Variants in PTPRD observed in about 807,000 individuals in gnomAD.
The protein encoded by PTPRD is receptor-type tyrosine-protein phosphatase delta.
A neutral mutation model predicts 214.5 loss-of-function variants in PTPRD; 34 were observed. That is an observed-to-expected ratio of 0.16 (90% CI 0.12 to 0.21). The LOEUF is 0.21. PTPRD is among the 10% of genes least tolerant of loss of function. The pLI is 1.00. For synonymous variants in PTPRD, 1,128 were observed against 845.7 expected, an observed-to-expected ratio of 1.33 and a Z score of -5.79; for missense variants, 2,545 against 2,398.7, an observed-to-expected ratio of 1.06 and a Z score of -1.27.
At chr9:8,360,494 A>G (rs2078203484) in intron 39 of PTPRD, among the ~76,000 whole-genome samples, 1 of 152,196 alleles carries the variant, frequency 6.6e-6, no homozygotes. Flanking sequence ...CTAAATGATC[A>G]AGTCTAAACT....
chr9:8,885,519 C>T (rs1423354747), intron 11 of PTPRD, among the ~76,000 whole-genome samples: 1 of 128,370 alleles, frequency 7.8e-6, no homozygotes, highest in Non-Finnish European at 1.6e-5. Flanking sequence ...TTTCTGAGAC[C>T]AAGTCTCGCT....
At chr9:8,781,733 G>C (rs1030842919) in intron 11 of PTPRD, among the ~76,000 whole-genome samples, 1 of 152,132 alleles carries the variant, frequency 6.6e-6, no homozygotes, top group Non-Finnish European at 1.5e-5. Flanking sequence ...AGGAAGGTCA[G>C]GCTGACAAGC....
At chr9:9,003,309 A>G (rs890336744) in intron 11 of PTPRD, among the ~76,000 whole-genome samples, 1 of 151,978 alleles carries the variant, frequency 6.6e-6, no homozygotes, top group Non-Finnish European at 1.5e-5. Context: ...AGCTGAATCT[A>G]AATCCCTAAC....
intron 9 of PTPRD, among the ~76,000 whole-genome samples, chr9:9,381,652 C>G (rs2062286926): frequency 1.3e-5 from 2 of 151,850 alleles, no homozygotes; most frequent in Admixed American, 6.6e-5. Flanking sequence ...CACGCTCAGA[C>G]AGCTACACTT....
chr9:8,805,649 C>A (rs1435404348), intron 11 of PTPRD, among the ~76,000 whole-genome samples: 1 of 151,384 alleles, frequency 6.6e-6, no homozygotes, highest in East Asian at 2.0e-4. Flanking sequence ...GTTGCCCAGG[C>A]TGGAGTGCAA....
intron 9 of PTPRD, among the ~76,000 whole-genome samples, chr9:9,372,161 G>C: frequency 6.6e-6 from 1 of 151,824 alleles, no homozygotes; most frequent in Non-Finnish European, 1.5e-5. Context: ...CAATTCCTGG[G>C]TATCCTTGTT....
intron 33 of PTPRD, among the ~76,000 whole-genome samples, chr9:8,453,775 C>G (rs576689341): frequency 2.6e-5 from 4 of 152,150 alleles, no homozygotes; most frequent in Non-Finnish European, 5.9e-5. Flanking sequence ...TTTAGTAGGT[C>G]TGAGGCGGGG....
At chr9:9,052,290 G>T (rs2099687479) in intron 10 of PTPRD, among the ~76,000 whole-genome samples, 1 of 152,104 alleles carries the variant, frequency 6.6e-6, no homozygotes, top group Non-Finnish European at 1.5e-5. Flanking sequence ...AACATCTTGG[G>T]TGTTGGAATT....
intron 11 of PTPRD, among the ~76,000 whole-genome samples, chr9:8,836,281 C>T (rs1364555958): frequency 6.6e-6 from 1 of 152,078 alleles, no homozygotes; most frequent in Non-Finnish European, 1.5e-5. Context: ...TCTAAGAGAA[C>T]ATTGACAAAG....
intron 3 of PTPRD, among the ~76,000 whole-genome samples, chr9:10,106,467 G>A (rs367729900): frequency 4.0e-5 from 6 of 151,868 alleles, no homozygotes; most frequent in African/African-American, 9.7e-5. Context: ...TGCATAAAGA[G>A]GGAAAGTATA....
chr9:9,251,586 T>C (rs1420617999), intron 9 of PTPRD, among the ~76,000 whole-genome samples: 1 of 152,112 alleles, frequency 6.6e-6, no homozygotes, highest in East Asian at 1.9e-4. Context: ...TTGCATTTGG[T>C]ATATTTTTTC....
intron 14 of PTPRD, among the ~76,000 whole-genome samples, chr9:8,535,704 C>T (rs1455504308): frequency 6.6e-6 from 1 of 151,762 alleles, no homozygotes; most frequent in Non-Finnish European, 1.5e-5. Flanking sequence ...AAAGATGATG[C>T]CAAGAAGTCA....
At chr9:8,551,570 G>A (rs2082118426) in intron 14 of PTPRD, among the ~76,000 whole-genome samples, 2 of 152,096 alleles carry the variant, frequency 1.3e-5, no homozygotes, top group African/African-American at 2.4e-5. Context: ...CAATTTTTCA[G>A]GAGCCTGAAG....
intron 5 of PTPRD, among the ~76,000 whole-genome samples, chr9:9,938,193 C>G (rs138415784): frequency 6.6e-5 from 10 of 152,254 alleles, no homozygotes; most frequent in Non-Finnish European, 1.5e-4. Context: ...CTACTACAAA[C>G]AGCTTTCAGT....
chr9:10,401,239 T>C (rs1270028755), intron 2 of PTPRD, among the ~76,000 whole-genome samples: 2 of 151,686 alleles, frequency 1.3e-5, no homozygotes, highest in African/African-American at 2.4e-5. Context: ...TGTGCTACTT[T>C]ATTTTATTTA....
At chr9:9,164,896 A>G (rs1421701612) in intron 10 of PTPRD, among the ~76,000 whole-genome samples, 1 of 151,588 alleles carries the variant, frequency 6.6e-6, no homozygotes, top group Non-Finnish European at 1.5e-5. Context: ...AAACAAACCA[A>G]CCAGAAATTA....
chr9:10,324,175 A>T (rs972813098), intron 3 of PTPRD, among the ~76,000 whole-genome samples: 1 of 152,052 alleles, frequency 6.6e-6, no homozygotes, highest in Non-Finnish European at 1.5e-5. Flanking sequence ...CTCTAAAGAG[A>T]GGGACTATAG....
intron 9 of PTPRD, among the ~76,000 whole-genome samples, chr9:9,251,895 C>G (rs958339217): frequency 6.6e-6 from 1 of 152,110 alleles, no homozygotes; most frequent in African/African-American, 2.4e-5. Flanking sequence ...GATGCTATCC[C>G]TTGTTTTCCT....
chr9:8,822,401 T>C (rs1180385841), intron 11 of PTPRD, among the ~76,000 whole-genome samples: 1 of 152,224 alleles, frequency 6.6e-6, no homozygotes. Flanking sequence ...TATAATCATG[T>C]GTTCTGACAG....
Sources: gnomAD v4.1 joint callset for allele counts (sites outside exome capture counted in the v4.1 genomes callset) on GRCh38, gnomAD v4.1.1 for gene constraint, MANE v1.5 for transcripts, NCBI Gene and HGNC (gene_info 2026-07-23, HGNC 2026-07-21) for gene names.